NLGN4Y: variants seen among roughly 807,000 people sequenced by gnomAD.
The protein encoded by NLGN4Y is neuroligin 4 Y-linked.
NLGN4Y carries 4 observed loss-of-function variants against 8.4 expected under a neutral mutation model. The observed-to-expected ratio is 0.48, with a 90% CI of 0.23 to 1.09. The LOEUF (loss-of-function observed/expected upper bound fraction) is 1.09. Ranked by LOEUF, NLGN4Y falls within the 50% of genes least tolerant of loss-of-function variation. The probability of loss-of-function intolerance (pLI) is 0.19; values close to 1 mark genes in which losing one functional copy is unlikely to be tolerated. For synonymous variants in NLGN4Y, 35 were observed against 75.6 expected (o/e 0.46, Z 2.78); for missense variants, 90 against 192.3 (o/e 0.47, Z 3.15).
chrY:14,587,774 T>A (rs2080346543), intron 1 of NLGN4Y, among the ~76,000 whole-genome samples: 1 of 33,044 alleles, frequency 3.0e-5, no homozygotes, highest in Non-Finnish European at 7.5e-5. Context: ...GCTCTGTAAA[T>A]CTTGGTGGTC....
chrY:14,759,285 G>GT (rs752683095), intron 4 of NLGN4Y, among the ~76,000 whole-genome samples: 65 of 31,181 alleles, frequency 2.1e-3, no homozygotes, highest in Admixed American at 3.8e-3. Context: ...AAAAGATACT[G>GT]TTTTTTTTTG....
At chrY:14,743,616 C>T in intron 4 of NLGN4Y, among the ~76,000 whole-genome samples, 1 of 32,699 alleles carries the variant, frequency 3.1e-5, no homozygotes, top group Admixed American at 2.8e-4. Flanking sequence ...GACAGAACTT[C>T]AAGGGGCTGA....
chrY:14,583,517 G>T, intron 1 of NLGN4Y, among the ~76,000 whole-genome samples: 1 of 33,651 alleles, frequency 3.0e-5, no homozygotes, highest in South Asian at 6.6e-4. Context: ...GGATTGATAA[G>T]ATGGGACCAG....
chrY:14,793,071 G>A (rs2042993299), intron 4 of NLGN4Y, among the ~76,000 whole-genome samples: 1 of 32,151 alleles, frequency 3.1e-5, no homozygotes, highest in Non-Finnish European at 7.5e-5. Context: ...TCCACAATGA[G>A]CTATAGGAAA....
chrY:14,729,761 G>A (rs2080965970), intron 4 of NLGN4Y, among the ~76,000 whole-genome samples: 1 of 33,781 alleles, frequency 3.0e-5, no homozygotes, highest in South Asian at 6.6e-4. Context: ...GACTTAATTT[G>A]ACTATTCACA....
At chrY:14,566,227 A>G (rs2080250848) in intron 1 of NLGN4Y, among the ~76,000 whole-genome samples, 1 of 33,480 alleles carries the variant, frequency 3.0e-5, no homozygotes, top group Non-Finnish European at 7.4e-5. Context: ...ACAGACTGGC[A>G]AATTGGATAA....
intron 4 of NLGN4Y, chrY:14,803,908 CAAAT>C (rs2043047917): frequency 3.0e-5 from 1 of 33,270 alleles, no homozygotes; most frequent in South Asian, 6.7e-4. Context: ...CCACTCCTAC[CAAAT>C]ATTCACGTCT....
chrY:14,594,732 C>T, intron 1 of NLGN4Y, among the ~76,000 whole-genome samples: 2 of 33,000 alleles, frequency 6.1e-5, no homozygotes, highest in African/African-American at 2.4e-4. Flanking sequence ...CGTAGCCGCT[C>T]GAGGAAGGCA....
intron 2 of NLGN4Y, among the ~76,000 whole-genome samples, chrY:14,710,379 G>A: frequency 3.0e-5 from 1 of 33,246 alleles, no homozygotes; most frequent in African/African-American, 1.2e-4. Flanking sequence ...TTAACTGGGT[G>A]CAGTGGCACA....
chrY:14,526,438 G>C, intron 1 of NLGN4Y, among the ~76,000 whole-genome samples: 1 of 30,020 alleles, frequency 3.3e-5, no homozygotes, highest in Non-Finnish European at 8.2e-5. Context: ...ATGTGTGTCT[G>C]TGTGTGTGTG....
chrY:14,658,895 G>A (rs2080664315), intron 2 of NLGN4Y, among the ~76,000 whole-genome samples: 1 of 33,030 alleles, frequency 3.0e-5, no homozygotes, highest in South Asian at 6.9e-4. Context: ...AGATCAAGGT[G>A]TTAGCTGATT....
intron 2 of NLGN4Y, among the ~76,000 whole-genome samples, chrY:14,645,432 A>C: frequency 3.3e-5 from 1 of 30,394 alleles, no homozygotes; most frequent in East Asian, 8.4e-4. Context: ...TCGGCCTCCC[A>C]AAGTGTTGGT....
At chrY:14,629,322 A>G in intron 2 of NLGN4Y, among the ~76,000 whole-genome samples, 2 of 34,298 alleles carry the variant, frequency 5.8e-5, no homozygotes, top group South Asian at 1.3e-3. Flanking sequence ...AATATCTCCC[A>G]TCTTTTCAGG....
intron 4 of NLGN4Y, among the ~76,000 whole-genome samples, chrY:14,775,947 A>G (rs2081124073): frequency 3.1e-5 from 1 of 32,750 alleles, no homozygotes; most frequent in Non-Finnish European, 7.4e-5. Context: ...CTCGGATTGC[A>G]AACTTAGGCA....
At chrY:14,627,926 C>T (rs755703931) in intron 2 of NLGN4Y, among the ~76,000 whole-genome samples, 1 of 33,690 alleles carries the variant, frequency 3.0e-5, no homozygotes, top group African/African-American at 1.2e-4. Flanking sequence ...TGGCTCATAC[C>T]TCTAATCTTT....
At chrY:14,836,914 G>GA (rs2043199194) in intron 6 of NLGN4Y, among the ~76,000 whole-genome samples, 1 of 33,909 alleles carries the variant, frequency 2.9e-5, no homozygotes. Flanking sequence ...TTTTGTAATG[G>GA]AAAATCAGAT....
chrY:14,674,046 G>T, intron 2 of NLGN4Y, among the ~76,000 whole-genome samples: 1 of 28,793 alleles, frequency 3.5e-5, no homozygotes, highest in Non-Finnish European at 8.1e-5. Flanking sequence ...GGGGTGGGGG[G>T]AGAGGGGAGG....
chrY:14,557,617 C>T, intron 1 of NLGN4Y, among the ~76,000 whole-genome samples: 3 of 32,886 alleles, frequency 9.1e-5, no homozygotes, highest in Admixed American at 2.8e-4. Context: ...TTTCTGCAGT[C>T]GATAAGGATA....
At chrY:14,699,073 G>A (rs902854890) in intron 2 of NLGN4Y, among the ~76,000 whole-genome samples, 10 of 31,911 alleles carry the variant, frequency 3.1e-4, no homozygotes, top group African/African-American at 1.1e-3. Flanking sequence ...AATATCCTAC[G>A]TTCTATTCTT....
Sources: allele counts gnomAD v4.1 joint callset (sites outside exome capture counted in the v4.1 genomes callset), GRCh38; gene constraint gnomAD v4.1.1; transcripts MANE v1.5; gene names NCBI Gene and HGNC (gene_info 2026-07-23, HGNC 2026-07-21).